MYT1L: variants seen among roughly 807,000 people sequenced by gnomAD.
MYT1L encodes the protein myelin transcription factor 1 like.
A neutral mutation model predicts 126.7 loss-of-function variants in MYT1L; 12 were observed. The ratio of observed to expected loss-of-function variants is 0.09; its 90% CI spans 0.06 to 0.15. The LOEUF is 0.15. Among genes scored for constraint, MYT1L ranks in the 10% least tolerant of loss-of-function variants. The pLI, the probability that MYT1L is intolerant of heterozygous loss-of-function variation, is 1.00. For synonymous variants in MYT1L, 541 were observed against 604.2 expected (o/e 0.90, Z 1.53); for missense variants, 979 against 1,585.2 (o/e 0.62, Z 6.49).
Position 1,792,309 on chromosome 2 carries a change from T to C in MYT1L, c.3420+12A>G. The C allele has an allele frequency of 6.3e-7, 1 of 1,594,638 alleles. No individual in the cohort carries two copies. Among genetic ancestry groups the C allele is most frequent in the Non-Finnish European group, 8.5e-7 (1 of 1,170,052 alleles). Reference sequence around the variant, plus strand: ...GACTCCACATTCCTGCCTTGCGTGCTCAGTCACTTACCATGTGCGGCAGCT... The same window carrying C: ...GACTCCACATTCCTGCCTTGCGTGCCCAGTCACTTACCATGTGCGGCAGCT... On this transcript the variant is annotated intron_variant, in intron 24 of 24. Transcript: ENST00000647738.
chr2:2,321,401 TTC>T (rs2096162793), intron 1 of MYT1L, among the ~76,000 whole-genome samples: 2 of 152,144 alleles, frequency 1.3e-5, no homozygotes, highest in African/African-American at 4.8e-5. Context: ...CTAGCATTGT[TTC>T]ATGGCGACAA....
At chr2:2,211,206 A>G (rs1240565979) in intron 2 of MYT1L, among the ~76,000 whole-genome samples, 23 of 152,186 alleles carry the variant, frequency 1.5e-4, no homozygotes, top group Non-Finnish European at 1.5e-5. Flanking sequence ...TAGAAATTTG[A>G]AAGTTTTTAA....
At chr2:2,217,690 ACAACAACAAC>A (rs1559366636) in intron 2 of MYT1L, among the ~76,000 whole-genome samples, 2,156 of 112,218 alleles carry the variant, frequency 0.019, 193 homozygotes, top group Non-Finnish European at 0.029. Flanking sequence ...AACAACAACA[ACAACAACAAC>A]AACAACAAAA....
chr2:2,325,106 T>A (rs551544953), intron 1 of MYT1L: 1 of 152,574 alleles, frequency 6.6e-6, no homozygotes, highest in South Asian at 2.1e-4. Context: ...TCTAAAAATA[T>A]CTCTCGTATC....
chr2:1,900,164 A>G (rs1259139293), intron 14 of MYT1L, among the ~76,000 whole-genome samples: 5 of 152,188 alleles, frequency 3.3e-5, no homozygotes, highest in Admixed American at 3.3e-4. Context: ...AGATACATTG[A>G]AGAGTAACTG....
chr2:2,222,529 T>A (rs1331119208), intron 2 of MYT1L, among the ~76,000 whole-genome samples: 7 of 152,278 alleles, frequency 4.6e-5, no homozygotes, highest in African/African-American at 1.4e-4. Flanking sequence ...TATTTTATAT[T>A]TTAATTAAAT....
At chr2:1,869,836 C>T (rs1339815629) in intron 18 of MYT1L, among the ~76,000 whole-genome samples, 1 of 150,214 alleles carries the variant, frequency 6.7e-6, no homozygotes, top group Non-Finnish European at 1.5e-5. Flanking sequence ...AAGCCAGGAG[C>T]TCCCAAGGCT....
intron 2 of MYT1L, among the ~76,000 whole-genome samples, chr2:2,226,538 T>G (rs1281524698): frequency 1.3e-5 from 2 of 151,998 alleles, no homozygotes; most frequent in African/African-American, 2.4e-5. Flanking sequence ...ATGTTTCACC[T>G]GCCATCTGTC....
chr2:1,909,790 C>T (rs376620021), intron 13 of MYT1L, among the ~76,000 whole-genome samples: 6 of 152,154 alleles, frequency 3.9e-5, no homozygotes, highest in African/African-American at 1.2e-4. Flanking sequence ...CGGTTTTGCA[C>T]GCGAGAGCTT....
intron 2 of MYT1L, among the ~76,000 whole-genome samples, chr2:2,276,605 A>G (rs982521765): frequency 6.6e-6 from 1 of 152,148 alleles, no homozygotes; most frequent in Non-Finnish European, 1.5e-5. Flanking sequence ...TGCAAGCGCT[A>G]AGGCTGGTTG....
chr2:2,186,134 G>C (rs1198934219), intron 2 of MYT1L, among the ~76,000 whole-genome samples: 2 of 137,972 alleles, frequency 1.4e-5, no homozygotes, highest in Non-Finnish European at 3.1e-5. Context: ...TTCCTTCCGT[G>C]AGGGGGACGC....
rs919094090 is a variant in MYT1L at position 2,224,974 on chromosome 2, C to T, written c.-420-51986G>A. ...CACGCTGGGTTTGAGGTTCTGTCAC[C>T]GTCTTGGAAACTTTAATATGCTTGA... On this transcript the variant is annotated intron_variant, in intron 2 of 24. Transcript: ENST00000647738. This position sits in a 1 kb window ranked among gnomAD's most constrained non-coding sequence, Gnocchi z 4.0. Among the ~76,000 whole-genome samples, 4 of 151,932 alleles carry T rather than the reference C, an allele frequency of 2.6e-5. No homozygotes were observed. Among genetic ancestry groups the T allele is most frequent in the Non-Finnish European group, 4.4e-5 (3 of 68,020 alleles).
intron 8 of MYT1L, among the ~76,000 whole-genome samples, chr2:1,953,847 G>T (rs2058102458): frequency 1.3e-5 from 2 of 152,320 alleles, no homozygotes; most frequent in Non-Finnish European, 2.9e-5. Flanking sequence ...CTAGAATGTT[G>T]ATAATGTTAC....
intron 4 of MYT1L, among the ~76,000 whole-genome samples, chr2:2,043,058 C>G (rs2067734915): frequency 6.6e-6 from 1 of 152,184 alleles, no homozygotes; most frequent in South Asian, 2.1e-4. Context: ...ATCTAAGACT[C>G]AAAGCGACAC....
At chr2:1,850,174 C>T (rs1173259806) in intron 19 of MYT1L, among the ~76,000 whole-genome samples, 6 of 123,068 alleles carry the variant, frequency 4.9e-5, no homozygotes, top group Non-Finnish European at 8.8e-5. Context: ...CCCTTCCCCT[C>T]CCCCTCCCCC....
intron 18 of MYT1L, 63 bp from the exon 19 acceptor site, chr2:1,851,766 T>C: frequency 6.9e-7 from 1 of 1,449,802 alleles, no homozygotes; most frequent in East Asian, 2.3e-5. Flanking sequence ...AACAATTAAC[T>C]TTTTTTTAAT....
chr2:1,805,448 C>A (rs1181830252), intron 22 of MYT1L, among the ~76,000 whole-genome samples: 1 of 152,182 alleles, frequency 6.6e-6, no homozygotes, highest in African/African-American at 2.4e-5. Context: ...AGGCTTTACA[C>A]TCAGGATATG....
At chr2:1,815,698 C>T (rs1466157285) in intron 21 of MYT1L, among the ~76,000 whole-genome samples, 1 of 152,260 alleles carries the variant, frequency 6.6e-6, no homozygotes, top group East Asian at 1.9e-4. Context: ...TCCCCATGCC[C>T]TGCCCCCAGA....
intron 3 of MYT1L, among the ~76,000 whole-genome samples, chr2:2,144,544 G>C (rs1234408889): frequency 6.6e-6 from 1 of 152,196 alleles, no homozygotes; most frequent in Non-Finnish European, 1.5e-5. Context: ...AGCTGTGAGT[G>C]AAGTGGAAAG....
Sources: allele counts gnomAD v4.1 joint callset (sites outside exome capture counted in the v4.1 genomes callset), GRCh38; gene constraint gnomAD v4.1.1; non-coding constraint Gnocchi (gnomAD v3.1); transcripts MANE v1.5; gene names NCBI Gene and HGNC (gene_info 2026-07-23, HGNC 2026-07-21).